The following CSMD3 variants were observed in gnomAD, a reference collection of about 807,000 sequenced individuals.
CSMD3 encodes CUB and sushi domain-containing protein 3.
In CSMD3, 177 loss-of-function variants were observed where a neutral mutation model predicts 435.2. That is an observed-to-expected ratio of 0.41 (90% CI 0.36 to 0.46). The LOEUF (loss-of-function observed/expected upper bound fraction) is 0.46, where lower values mean the gene tolerates loss of function less well. Among genes scored for constraint, CSMD3 ranks in the 20% least tolerant of loss-of-function variants. The pLI is 0.34. For synonymous variants in CSMD3, 1,656 were observed against 1,520.5 expected (o/e 1.09, Z -2.07); for missense variants, 4,265 against 4,504.6 (o/e 0.95, Z 1.52).
At chr8:113,146,720 T>G (rs1408638866) in intron 4 of CSMD3, among the ~76,000 whole-genome samples, 1 of 151,610 alleles carries the variant, frequency 6.6e-6, no homozygotes, top group African/African-American at 2.4e-5. Flanking sequence ...TGCAGCCAGC[T>G]GACTGATGTC....
intron 4 of CSMD3, among the ~76,000 whole-genome samples, chr8:113,122,255 A>G (rs894733032): frequency 1.3e-5 from 2 of 152,094 alleles, no homozygotes; most frequent in Admixed American, 1.3e-4. Flanking sequence ...ATAAGTCTAT[A>G]TTACATTTGG....
chr8:113,280,122 G>C (rs1205608590), intron 2 of CSMD3, among the ~76,000 whole-genome samples: 1 of 151,700 alleles, frequency 6.6e-6, no homozygotes, highest in Non-Finnish European at 1.5e-5. Flanking sequence ...TCAGTCTGTA[G>C]TTTCCTTTTT....
intron 52 of CSMD3, among the ~76,000 whole-genome samples, chr8:112,303,362 C>T (rs1356809060): frequency 6.6e-6 from 1 of 152,052 alleles, no homozygotes; most frequent in Non-Finnish European, 1.5e-5. Flanking sequence ...TCCAGACCAG[C>T]CTGGCCAACA....
chr8:112,291,464 G>T (rs2130674739), intron 56 of CSMD3, 46 bp downstream of exon 56: 1 of 1,257,608 alleles, frequency 8.0e-7, no homozygotes, highest in East Asian at 2.3e-5. Flanking sequence ...CATTCCTATG[G>T]TTTCCATGAC....
chr8:113,197,390 CA>C lies in CSMD3; in HGVS notation c.515-23475del, dbSNP rs1215368706. Among the ~76,000 whole-genome samples, 9 of 149,330 alleles carry C rather than the reference CA, an allele frequency of 6.0e-5. No homozygotes were observed. The South Asian group carries it at 6.3e-4, about 10-fold the overall frequency. Reference sequence around the variant, plus strand: ...ATTTCATTATGTTATGCAAATACTCCAAAAAAAAATCCAAAACAGTTCTGTA... The same window carrying C: ...ATTTCATTATGTTATGCAAATACTCCAAAAAAAATCCAAAACAGTTCTGTA... On this transcript the variant is annotated intron_variant, in intron 3 of 70. Coordinates refer to ENST00000297405, the MANE Select transcript of CSMD3 (RefSeq NM_198123.2).
chr8:113,106,780 A>G (rs1171548440), intron 4 of CSMD3, among the ~76,000 whole-genome samples: 1 of 152,182 alleles, frequency 6.6e-6, no homozygotes, highest in East Asian at 1.9e-4. Context: ...ATTCTGATTA[A>G]TAAGTTGTCA....
At chr8:112,817,785 T>A (rs1563990248) in intron 12 of CSMD3, among the ~76,000 whole-genome samples, 1 of 152,086 alleles carries the variant, frequency 6.6e-6, no homozygotes, top group East Asian at 1.9e-4. Context: ...GTTTAAATTT[T>A]CATCATTTTA....
At position 112,475,397 on chromosome 8, in the gene CSMD3, C is replaced by T. The variant is rs535763348; in HGVS notation, c.5279-2690G>A. 3.3e-5 allele frequency among the ~76,000 whole-genome samples: 5 copies of T among 152,056 alleles called. No homozygotes were observed. In the East Asian group the frequency reaches 9.7e-4, roughly 30 times the overall value. On this transcript the variant is annotated intron_variant, in intron 31 of 70. Coordinates refer to ENST00000297405, the MANE Select transcript of CSMD3 (RefSeq NM_198123.2). ...TGAGGTTGTAATTTAATCACATGTC[C>T]TTATGGTAATATTATGTTAGATTCT... is the stretch of plus-strand genomic sequence containing the variant.
At chr8:112,644,244 A>G (rs2074916230) in intron 20 of CSMD3, among the ~76,000 whole-genome samples, 1 of 151,838 alleles carries the variant, frequency 6.6e-6, no homozygotes, top group Non-Finnish European at 1.5e-5. Context: ...ATTACACTGT[A>G]TCTTGATAAA....
At chr8:112,258,689 T>C (rs985995736) in intron 61 of CSMD3, among the ~76,000 whole-genome samples, 7 of 152,130 alleles carry the variant, frequency 4.6e-5, no homozygotes, top group Admixed American at 1.3e-4. Flanking sequence ...GGAATGTAAA[T>C]TAGTTCAACC....
intron 13 of CSMD3, among the ~76,000 whole-genome samples, chr8:112,752,939 G>A (rs1283023919): frequency 7.1e-6 from 1 of 140,826 alleles, no homozygotes; most frequent in African/African-American, 2.6e-5. Flanking sequence ...GTGTGTGTGT[G>A]TACAGAGATA....
intron 4 of CSMD3, among the ~76,000 whole-genome samples, chr8:113,151,962 T>A (rs2091816425): frequency 6.6e-6 from 1 of 152,026 alleles, no homozygotes. Flanking sequence ...AATGCATTTG[T>A]AACTATGACC....
At chr8:113,288,575 C>T (rs938939998) in intron 2 of CSMD3, among the ~76,000 whole-genome samples, 1 of 151,594 alleles carries the variant, frequency 6.6e-6, no homozygotes, top group African/African-American at 2.4e-5. Context: ...TTCCAAAGGC[C>T]ATCTTGAATC....
intron 1 of CSMD3, among the ~76,000 whole-genome samples, chr8:113,402,056 T>G (rs908599714): frequency 1.3e-5 from 2 of 151,450 alleles, no homozygotes; most frequent in African/African-American, 4.8e-5. Flanking sequence ...CCTGTAAAGG[T>G]TTTTACTAAA....
intron 63 of CSMD3, among the ~76,000 whole-genome samples, chr8:112,250,740 ATAAT>A (rs1240878841): frequency 2.0e-5 from 3 of 151,994 alleles, no homozygotes; most frequent in South Asian, 2.1e-4. Flanking sequence ...AAACATTGCA[ATAAT>A]TAATATTGAA....
At chr8:112,358,272 C>G (rs1236609970) in intron 38 of CSMD3, among the ~76,000 whole-genome samples, 1 of 152,150 alleles carries the variant, frequency 6.6e-6, no homozygotes, top group Non-Finnish European at 1.5e-5. Flanking sequence ...AAGTAAACTG[C>G]TTTTGATTTT....
chr8:112,656,521 T>A (rs1268756282), intron 17 of CSMD3, among the ~76,000 whole-genome samples, 180 bp from the exon 18 acceptor site: 2 of 152,076 alleles, frequency 1.3e-5, no homozygotes, highest in Non-Finnish European at 2.9e-5. Flanking sequence ...ATGCCAAAGG[T>A]ATAAGCTCTT....
chr8:112,763,380 T>A (rs892827837), intron 13 of CSMD3, among the ~76,000 whole-genome samples: 1 of 151,224 alleles, frequency 6.6e-6, no homozygotes. Context: ...AAAACTCCTA[T>A]AGAATATTGT....
chr8:112,463,972 C>T (rs1335354637), intron 32 of CSMD3, among the ~76,000 whole-genome samples: 1 of 152,160 alleles, frequency 6.6e-6, no homozygotes, highest in East Asian at 1.9e-4. Flanking sequence ...CGAGGTGGCT[C>T]ATGCCTGTAA....
Sources: gnomAD v4.1 joint callset for allele counts (sites outside exome capture counted in the v4.1 genomes callset) on GRCh38, gnomAD v4.1.1 for gene constraint, MANE v1.5 for transcripts, NCBI Gene and HGNC (gene_info 2026-07-23, HGNC 2026-07-21) for gene names.